Variants in LNPEP observed in about 807,000 individuals in gnomAD.
The protein encoded by LNPEP is leucyl and cystinyl aminopeptidase, also known as leucyl-cystinyl aminopeptidase.
A neutral mutation model predicts 120.6 loss-of-function variants in LNPEP; 64 were observed. The observed-to-expected ratio is 0.53, with a 90% confidence interval of 0.43 to 0.65. The LOEUF is 0.65. Ranked by LOEUF, LNPEP falls within the 30% of genes least tolerant of loss-of-function variation. LNPEP has a pLI of 0.00. For synonymous variants in LNPEP, 435 were observed against 425.4 expected, an observed-to-expected ratio of 1.02 and a Z score of -0.28; for missense variants, 1,057 against 1,200.0, an observed-to-expected ratio of 0.88 and a Z score of 1.76.
intron 1 of LNPEP, among the ~76,000 whole-genome samples, chr5:96,960,684 A>G (rs1032557013): frequency 1.6e-4 from 25 of 152,322 alleles, no homozygotes; most frequent in South Asian, 6.2e-4. Context: ...TTTGCACCAA[A>G]AACCAAATTT....
chr5:97,013,625 CTCATTTTTT>C lies in LNPEP; in HGVS notation c.2036-21_2036-13del. ...GTCCAATTGTCTTCTCTCTCAATCT[CTCATTTTTT>C]TGGTTTCCATTAGGTGTCATCAATC... On this transcript the variant is annotated splice_polypyrimidine_tract_variant and intron_variant, in intron 11 of 17. Transcript: ENST00000231368. The C allele has an allele frequency of 7.3e-7, 1 of 1,365,100 alleles. No homozygotes were observed. The highest frequency in any genetic ancestry group is 9.7e-7 in the Non-Finnish European group (1 of 1,033,622). The allele number at this position is 1,365,100 out of a possible 1,614,324, so 84.6% of individuals were successfully genotyped here.
intron 10 of LNPEP, 39 bp from the exon 11 acceptor site, chr5:97,006,388 A>C (rs991629488): frequency 8.0e-7 from 1 of 1,242,536 alleles, no homozygotes; most frequent in Non-Finnish European, 1.1e-6. Flanking sequence ...AAAAAAAAAA[A>C]TCATATGTAA....
intron 1 of LNPEP, among the ~76,000 whole-genome samples, chr5:96,964,369 T>C (rs1789678648): frequency 6.6e-6 from 1 of 151,642 alleles, no homozygotes; most frequent in Admixed American, 6.6e-5. Flanking sequence ...ATAGATAATA[T>C]AAATACCCAA....
chr5:96,967,253 C>T (rs867100404), intron 1 of LNPEP, among the ~76,000 whole-genome samples: 1 of 152,056 alleles, frequency 6.6e-6, no homozygotes, highest in Non-Finnish European at 1.5e-5. Flanking sequence ...ACTGCATTTA[C>T]ACAGTAAAAC....
intron 1 of LNPEP, among the ~76,000 whole-genome samples, chr5:96,963,842 C>A (rs1789663085): frequency 6.6e-6 from 1 of 152,042 alleles, no homozygotes; most frequent in South Asian, 2.1e-4. Context: ...ATATAATGAT[C>A]CAGTAAGGTA....
Position 97,028,514 on chromosome 5 carries a change from G to C in LNPEP, c.3059G>C (p.Ser1020Thr). The change falls in exon 18 of 18, where the codon AGT becomes ACT. Residue 1020 changes from serine (S) to threonine (T), a missense_variant. Coordinates refer to ENST00000231368, the MANE Select transcript of LNPEP (RefSeq NM_005575.3). ...CAGTGGATGGAGAAGAACCTCAAAA[G>C]TCTCACATGGTGGCTGTAGCATGCA... ...NIQWMEKNLK[S>T]LTWWL is the part of the protein sequence containing the mutation. The C allele has an allele frequency of 6.2e-7, 1 of 1,613,926 alleles. No individual in the cohort carries two copies. The highest frequency in any genetic ancestry group is 8.5e-7 in the Non-Finnish European group (1 of 1,179,824).
At chr5:96,981,140 A>G (rs898194282) in intron 2 of LNPEP, among the ~76,000 whole-genome samples, 2 of 152,188 alleles carry the variant, frequency 1.3e-5, no homozygotes, top group African/African-American at 4.8e-5. Context: ...TAATTACTTT[A>G]TCTACCAGTA....
At chr5:96,962,067 T>G (rs1789619937) in intron 1 of LNPEP, among the ~76,000 whole-genome samples, 1 of 152,152 alleles carries the variant, frequency 6.6e-6, no homozygotes, top group Admixed American at 6.6e-5. Flanking sequence ...TTTCTATAAT[T>G]GTTGGAGTTG....
intron 14 of LNPEP, 74 bp downstream of exon 14, chr5:97,022,558 T>C (rs1028543305): frequency 2.6e-6 from 3 of 1,176,178 alleles, no homozygotes; most frequent in Non-Finnish European, 2.5e-6. Context: ...TCCAGGGTAT[T>C]CTCATCCTGG....
intron 7 of LNPEP, among the ~76,000 whole-genome samples, chr5:96,997,104 A>G (rs1790532966): frequency 6.6e-6 from 1 of 152,062 alleles, no homozygotes; most frequent in Non-Finnish European, 1.5e-5. Flanking sequence ...CTTGGGAAAT[A>G]TTTCCAGTAC....
At chr5:96,985,032 TACA>T in intron 2 of LNPEP, 45 bp from the exon 3 acceptor site, 1 of 1,606,716 alleles carries the variant, frequency 6.2e-7, no homozygotes, top group East Asian at 2.2e-5. Flanking sequence ...GGGTGCCTTG[TACA>T]GTAGGTGCTC....
chr5:96,986,444 A>G, intron 3 of LNPEP, 95 bp from the exon 4 acceptor site: 2 of 1,233,386 alleles, frequency 1.6e-6, no homozygotes, highest in Middle Eastern at 2.1e-4. Context: ...CATCTTTACC[A>G]TTTATTTCCT....
intron 2 of LNPEP, among the ~76,000 whole-genome samples, chr5:96,980,790 AT>A (rs1790104185): frequency 6.6e-6 from 1 of 152,188 alleles, no homozygotes; most frequent in Non-Finnish European, 1.5e-5. Context: ...GATGCTGACC[AT>A]TTGGCTAATG....
intron 1 of LNPEP, among the ~76,000 whole-genome samples, chr5:96,961,301 A>G (rs1319089024): frequency 6.6e-6 from 1 of 152,216 alleles, no homozygotes; most frequent in Non-Finnish European, 1.5e-5. Flanking sequence ...TTTGGGTAGA[A>G]CTAAACTTAG....
At chr5:96,940,223 C>T (rs757553712) in intron 1 of LNPEP, among the ~76,000 whole-genome samples, 1 of 152,058 alleles carries the variant, frequency 6.6e-6, no homozygotes, top group African/African-American at 2.4e-5. Flanking sequence ...TTGATACATG[C>T]ATAAAAACAG....
chr5:96,994,731 T>A (rs995732665), intron 6 of LNPEP, among the ~76,000 whole-genome samples: 4 of 152,204 alleles, frequency 2.6e-5, no homozygotes, highest in Non-Finnish European at 5.9e-5. Context: ...CAGCTTATTT[T>A]CTACATCAAA....
intron 1 of LNPEP, among the ~76,000 whole-genome samples, chr5:96,975,840 C>A (rs527256731): frequency 6.6e-6 from 1 of 152,238 alleles, no homozygotes; most frequent in Admixed American, 6.5e-5. Flanking sequence ...CACTGGTCCA[C>A]AAACAACATT....
Position 97,024,284 on chromosome 5 carries a change from C to G in LNPEP, c.2562-237C>G, listed in dbSNP as rs192199602. 9.4e-4 allele frequency among the ~76,000 whole-genome samples: 143 copies of G among 152,278 alleles called. 1 individual carries two copies. Among genetic ancestry groups the G allele is most frequent in the African/African-American group, 3.2e-3 (135 of 41,548 alleles). ...TTCCGCTCCCTAGTGTCCAGCCAGT[C>G]GCCTGCCTGGTTCTTTGTGAGTACT... On this transcript the variant is annotated intron_variant, in intron 14 of 17. Coordinates refer to ENST00000231368, the MANE Select transcript of LNPEP (RefSeq NM_005575.3).
At chr5:97,027,412 A>G (rs187902667) in intron 16 of LNPEP, among the ~76,000 whole-genome samples, 1 of 152,104 alleles carries the variant, frequency 6.6e-6, no homozygotes, top group Admixed American at 6.5e-5. Context: ...TTAAGAACTC[A>G]CATTCAGCTA....
Sources: allele counts gnomAD v4.1 joint callset (sites outside exome capture counted in the v4.1 genomes callset), GRCh38; gene constraint gnomAD v4.1.1; transcripts MANE v1.5; gene names NCBI Gene and HGNC (gene_info 2026-07-23, HGNC 2026-07-21).